Variants in ELAPOR1 observed in about 807,000 individuals in gnomAD.
ELAPOR1 encodes the protein endosome-lysosome associated apoptosis and autophagy regulator 1, also known as endosome/lysosome-associated apoptosis and autophagy regulator 1.
A neutral mutation model predicts 119.7 loss-of-function variants in ELAPOR1; 77 were observed. That is an observed-to-expected ratio of 0.64 (90% CI 0.54 to 0.78). ELAPOR1 has a LOEUF of 0.78. Ranked by LOEUF, ELAPOR1 falls within the 30% of genes least tolerant of loss-of-function variation. The probability of loss-of-function intolerance (pLI) is 0.00; values close to 1 mark genes in which losing one functional copy is unlikely to be tolerated. For missense variants in ELAPOR1, 1,115 were observed against 1,270.4 expected, an observed-to-expected ratio of 0.88 and a Z score of 1.86; for synonymous variants, 481 against 487.2, an observed-to-expected ratio of 0.99 and a Z score of 0.17.
Position 109,155,330 on chromosome 1 carries a change from C to T in ELAPOR1, c.154-6564C>T, listed in dbSNP as rs1206216798. 2.0e-5 allele frequency among the ~76,000 whole-genome samples: 3 copies of T among 152,244 alleles called. No individual in the cohort carries two copies. The East Asian group carries it at 5.8e-4, about 29-fold the overall frequency. ...AGCTGGGACTACAGGCACCCACCAT[C>T]ACGCCCGGCTAATTTTTTTCTGTTT... On this transcript the variant is annotated intron_variant, in intron 1 of 21. Transcript: ENST00000369939.
At chr1:109,165,174 C>T (rs1357868375) in intron 3 of ELAPOR1, among the ~76,000 whole-genome samples, 5 of 152,092 alleles carry the variant, frequency 3.3e-5, no homozygotes, top group Non-Finnish European at 7.4e-5. Context: ...TGTCCGTAGT[C>T]CCAGCTACTC....
chr1:109,197,372 C>A, intron 15 of ELAPOR1, 102 bp from the exon 16 acceptor site: 1 of 936,768 alleles, frequency 1.1e-6, no homozygotes, highest in Non-Finnish European at 1.7e-6. Context: ...ACCATTGAAA[C>A]GCTGAAAATT....
intron 7 of ELAPOR1, among the ~76,000 whole-genome samples, chr1:109,181,679 C>G (rs916765990): frequency 6.6e-6 from 1 of 152,170 alleles, no homozygotes; most frequent in Non-Finnish European, 1.5e-5. Flanking sequence ...CAGCCTCTCT[C>G]CCCACATTTT....
intron 12 of ELAPOR1, 25 bp from the exon 13 acceptor site, chr1:109,191,701 C>T (rs1307372675): frequency 2.5e-6 from 4 of 1,613,622 alleles, no homozygotes; most frequent in Admixed American, 3.3e-5. Context: ...ATCGCACCCG[C>T]TTCACTTGTC....
chr1:109,185,967 A>G (rs1653018055), intron 8 of ELAPOR1, among the ~76,000 whole-genome samples: 1 of 152,108 alleles, frequency 6.6e-6, no homozygotes, highest in Admixed American at 6.5e-5. Context: ...AACTGAGGGA[A>G]CATCTAGCCC....
intron 7 of ELAPOR1, 46 bp downstream of exon 7, chr1:109,173,883 C>T (rs1652079076): frequency 8.1e-6 from 13 of 1,597,420 alleles, no homozygotes; most frequent in Non-Finnish European, 1.1e-5. Flanking sequence ...GAGAGTACCA[C>T]CAAAACACAC....
intron 8 of ELAPOR1, 138 bp downstream of exon 8, chr1:109,185,271 G>C: frequency 1.5e-6 from 1 of 661,178 alleles, no homozygotes; most frequent in Non-Finnish European, 2.7e-6. Flanking sequence ...GGTGACCCTA[G>C]GGCTAGGTGG....
Position 109,169,626 on chromosome 1 carries a change from AC to A in ELAPOR1, c.468-2238del, listed in dbSNP as rs140308730. ...TGCAATAGCGTGAGTGTTTTCGATTACCTGTTTCCACATTCAACTCTTTAAC... is the reference window on the plus strand; with the variant it reads ...TGCAATAGCGTGAGTGTTTTCGATTACTGTTTCCACATTCAACTCTTTAAC... On this transcript the variant is annotated intron_variant, in intron 3 of 21. Coordinates refer to ENST00000369939, the MANE Select transcript of ELAPOR1 (RefSeq NM_020775.5). Among the ~76,000 whole-genome samples, 1,260 of 152,180 alleles carry A rather than the reference AC, an allele frequency of 8.3e-3. 19 individuals carry two copies. Among genetic ancestry groups the A allele is most frequent in the African/African-American group, 0.023 (964 of 41,512 alleles).
intron 1 of ELAPOR1, among the ~76,000 whole-genome samples, chr1:109,141,819 C>T (rs1467239050): frequency 6.6e-6 from 1 of 152,002 alleles, no homozygotes; most frequent in African/African-American, 2.4e-5. Flanking sequence ...GAGTGCACCA[C>T]CACACCTGGC....
rs1654125145 is a variant in ELAPOR1 at position 109,200,849 on chromosome 1, C to T, written c.2922C>T (p.Ile974=). 1.2e-6 allele frequency: 2 copies of T among 1,614,102 alleles called. No individual in the cohort carries two copies. The highest frequency in any genetic ancestry group is 1.7e-6 in the Non-Finnish European group (2 of 1,180,048). The change falls in exon 21 of 22, where the codon ATC becomes ATT. Residue 974 remains isoleucine (I), a synonymous_variant. Transcript: ENST00000369939. ...MEGEDVEDDL[I]FTSKKSLFGK... is the part of the protein sequence containing the mutation. ...GCGAGGATGTAGAGGACGACCTCATCTTTACCAGCAAGAAGTCACTCTTTG... is the reference window on the plus strand; with the variant it reads ...GCGAGGATGTAGAGGACGACCTCATTTTTACCAGCAAGAAGTCACTCTTTG...
intron 1 of ELAPOR1, among the ~76,000 whole-genome samples, chr1:109,140,915 G>A (rs775255160): frequency 1.3e-5 from 2 of 151,892 alleles, no homozygotes; most frequent in Non-Finnish European, 1.5e-5. Context: ...GCAGTGCCAC[G>A]ATCTCGGCTC....
chr1:109,175,265 T>A (rs967060228), intron 7 of ELAPOR1, among the ~76,000 whole-genome samples: 6 of 151,790 alleles, frequency 4.0e-5, no homozygotes, highest in Admixed American at 3.9e-4. Flanking sequence ...TGCAGTGGCG[T>A]GATCTCGGCT....
intron 1 of ELAPOR1, among the ~76,000 whole-genome samples, chr1:109,151,956 C>T (rs1415872054): frequency 1.3e-5 from 2 of 151,750 alleles, no homozygotes; most frequent in Admixed American, 6.6e-5. Context: ...TCACTGCAGC[C>T]TCCACTTCCC....
Position 109,174,969 on chromosome 1 carries a change from C to G in ELAPOR1, c.952+1132C>G, listed in dbSNP as rs1304415120. Among the ~76,000 whole-genome samples the G allele has an allele frequency of 2.0e-5, 3 of 151,974 alleles. No individual in the cohort carries two copies. The East Asian group carries it at 5.8e-4, about 29-fold the overall frequency. Reference sequence around the variant, plus strand: ...TGACCTCGTGATCCGCCCGCCTCAGCCTCCCAAAGTGCTGGGATTATAGGC... The same window carrying G: ...TGACCTCGTGATCCGCCCGCCTCAGGCTCCCAAAGTGCTGGGATTATAGGC... On this transcript the variant is annotated intron_variant, in intron 7 of 21. Transcript: ENST00000369939.
chr1:109,114,443 G>T, intron 1 of ELAPOR1, 107 bp downstream of exon 1: 1 of 1,339,288 alleles, frequency 7.5e-7, no homozygotes, highest in Non-Finnish European at 1.0e-6. Context: ...ACGGAGTTTA[G>T]ATTTCTTTGG....
chr1:109,187,850 T>C, intron 8 of ELAPOR1: 1 of 1,038,060 alleles, frequency 9.6e-7, no homozygotes, highest in Non-Finnish European at 1.2e-6. Flanking sequence ...TCCTGTGACC[T>C]TGGTAGCAAT....
chr1:109,118,501 C>A (rs1648171360), intron 1 of ELAPOR1, among the ~76,000 whole-genome samples: 1 of 152,040 alleles, frequency 6.6e-6, no homozygotes, highest in Non-Finnish European at 1.5e-5. Flanking sequence ...AGAGATGAGG[C>A]AAGGAGACCA....
intron 2 of ELAPOR1, among the ~76,000 whole-genome samples, chr1:109,164,021 G>A (rs1307377566): frequency 6.6e-6 from 1 of 152,074 alleles, no homozygotes; most frequent in African/African-American, 2.4e-5. Context: ...GAGCATCCGT[G>A]GCCCTAGATC....
chr1:109,177,337 A>G, intron 7 of ELAPOR1, among the ~76,000 whole-genome samples: 1 of 125,036 alleles, frequency 8.0e-6, no homozygotes, highest in African/African-American at 3.7e-5. Flanking sequence ...CTCACTTCTC[A>G]GACCGGGCGG....
Sources: allele counts gnomAD v4.1 joint callset (sites outside exome capture counted in the v4.1 genomes callset), GRCh38; gene constraint gnomAD v4.1.1; transcripts MANE v1.5; gene names NCBI Gene and HGNC (gene_info 2026-07-23, HGNC 2026-07-21).